Variants in PLK5 observed in about 807,000 individuals in gnomAD.
The protein encoded by PLK5 is polo like kinase 5 (inactive).
A neutral mutation model predicts 33.7 loss-of-function variants in PLK5; 28 were observed. The ratio of observed to expected loss-of-function variants is 0.83; its 90% CI spans 0.62 to 1.14. The LOEUF (loss-of-function observed/expected upper bound fraction) is 1.14, where lower values mean the gene tolerates loss of function less well. Ranked by LOEUF, PLK5 falls within the 50% of genes most tolerant of loss-of-function variation. The pLI, the probability that PLK5 is intolerant of heterozygous loss-of-function variation, is 0.00. For synonymous variants in PLK5, 225 were observed against 202.2 expected (o/e 1.11, Z -0.96); for missense variants, 492 against 461.5 (o/e 1.07, Z -0.61).
chr19:1,528,166 G>T, intron 7 of PLK5, 32 bp downstream of exon 7: 1 of 1,532,124 alleles, frequency 6.5e-7, no homozygotes, highest in Non-Finnish European at 8.7e-7. Flanking sequence ...GGGGTCCCTG[G>T]CGTGGGGTCC....
Position 1,529,470 on chromosome 19 carries a change from C to T in PLK5, c.470C>T (p.Thr157Ile). ...EGPIHLVAQG[T>I]LQSDLAGPEG... Reference sequence around the variant, plus strand: ...CCCATCCACCTGGTCGCACAAGGGACCCTGCAGAGTGACCTGGCCGGTGAG... The same window carrying T: ...CCCATCCACCTGGTCGCACAAGGGATCCTGCAGAGTGACCTGGCCGGTGAG... The change falls in exon 10 of 14, where the codon ACC becomes ATC. Residue 157 changes from threonine (T) to isoleucine (I), a missense_variant. By Grantham distance (89) the Thr-to-Ile change is moderately conservative. Transcript: ENST00000454744. The T allele has an allele frequency of 6.5e-7, 1 of 1,535,954 alleles. No individual in the cohort carries two copies. The highest frequency in any genetic ancestry group is 8.7e-7 in the Non-Finnish European group (1 of 1,146,808).
chr19:1,533,683 G>GTATCATTAAAAAA, intron 12 of PLK5: 1 of 579,680 alleles, frequency 1.7e-6, no homozygotes, highest in South Asian at 2.2e-5. Flanking sequence ...ACTGGCCTGG[G>GTATCATTAAAAAA]CTGTCCAGGA....
In PLK5 at chr19:1,527,974, C is replaced by T. The variant is rs1913789780; in HGVS notation, c.41C>T (p.Ser14Leu). ...VLTGTPPFMA[S>L]PLSEMYQNIR... ...ACTGGCACCCCACCCTTCATGGCCTCACCCCTGTCGGAGATGTACCAAAAC... is the reference window on the plus strand; with the variant it reads ...ACTGGCACCCCACCCTTCATGGCCTTACCCCTGTCGGAGATGTACCAAAAC... Residue 14 changes from serine (S) to leucine (L), a missense_variant, in exon 7 of 14, where the codon TCA becomes TTA. By Grantham distance (145) the Ser-to-Leu change is moderately radical. Coordinates refer to ENST00000454744, the MANE Select transcript of PLK5 (RefSeq NM_001243079.2). 5 of 1,536,084 alleles carry T rather than the reference C, an allele frequency of 3.3e-6. No individual in the cohort carries two copies. Among genetic ancestry groups the T allele is most frequent in the East Asian group, 2.4e-5 (1 of 40,916 alleles).
chr19:1,528,367 G>C lies in PLK5; in HGVS notation c.267G>C (p.Pro89=), dbSNP rs759896347. The part of the protein sequence containing the change: ...CHSPPIFAIP[P]PLGRIFRKVG... ...GTCCCCCCATCTTCGCCATACCCCC[G>C]CCTCTGGGCAGGATCTTCCGGAAGG... is the stretch of plus-strand genomic sequence containing the variant. Residue 89 remains proline, a synonymous_variant, in exon 8 of 14, where the codon CCG becomes CCC. Coordinates refer to ENST00000454744, the MANE Select transcript of PLK5 (RefSeq NM_001243079.2). 3.3e-6 allele frequency: 5 copies of C among 1,532,328 alleles called. No homozygotes were observed. In the East Asian group the frequency reaches 1.2e-4, roughly 38 times the overall value. The allele number at this position is 1,532,328 out of a possible 1,614,324, so 94.9% of individuals were successfully genotyped here.
At chr19:1,527,829 C>A in intron 6 of PLK5, 107 bp from the exon 7 acceptor site, 1 of 1,144,092 alleles carries the variant, frequency 8.7e-7, no homozygotes, top group South Asian at 1.5e-5. Flanking sequence ...ATGAGGAAGC[C>A]GATATGGGTT....
chr19:1,529,871 A>T, intron 11 of PLK5, 47 bp downstream of exon 11: 1 of 1,510,148 alleles, frequency 6.6e-7, no homozygotes. Context: ...CTTACTAGCC[A>T]AGTAAAATTG....
At chr19:1,532,811 C>T (rs998112970) in intron 12 of PLK5, among the ~76,000 whole-genome samples, 12 of 151,964 alleles carry the variant, frequency 7.9e-5, no homozygotes, top group African/African-American at 2.2e-4. Context: ...CATGAGCCAC[C>T]GCGCTCAGCC....
At chr19:1,529,899 G>A (rs946257371) in intron 11 of PLK5, 75 bp downstream of exon 11, 2 of 1,423,746 alleles carry the variant, frequency 1.4e-6, no homozygotes, top group African/African-American at 2.8e-5. Context: ...TCCCATCCTG[G>A]GCCCTCCTGG....
chr19:1,528,343 TC>T lies in PLK5; in HGVS notation c.249del (p.Ile84SerfsTer103). 1 of 1,534,436 alleles carries T rather than the reference TC, an allele frequency of 6.5e-7. No homozygotes were observed. Among genetic ancestry groups the T allele is most frequent in the Non-Finnish European group, 8.7e-7 (1 of 1,146,394 alleles). On this transcript the variant is annotated frameshift_variant, in exon 8 of 14. Coordinates refer to ENST00000454744, the MANE Select transcript of PLK5 (RefSeq NM_001243079.2). LOFTEE classifies it high-confidence loss of function. ...GGCTGCCGGCCCACTCCTGCCACAG[TC>T]CCCCCATCTTCGCCATACCCCCGCC... The part of the protein sequence containing the change: ...DRLPAHSCHS[P>X]PIFAIPPPLG...
chr19:1,529,049 C>G (rs1700463488), intron 9 of PLK5, 75 bp downstream of exon 9: 2 of 1,319,740 alleles, frequency 1.5e-6, no homozygotes, highest in Admixed American at 2.8e-5. Flanking sequence ...CCCCCTCCCC[C>G]ATGCCGGCTT....
At position 1,526,630 on chromosome 19, in the gene PLK5, G is replaced by A. The variant is rs1913749375; in HGVS notation, c.-183+15G>A. On this transcript the variant is annotated intron_variant, in intron 4 of 13. Coordinates refer to ENST00000454744, the MANE Select transcript of PLK5 (RefSeq NM_001243079.2). ...CCTGAAGCTCAGTGAGTGCCAGGAA[G>A]GGGAACTGTGGGCGGGGGCGTCGGG... The A allele has an allele frequency of 8.1e-6, 3 of 369,634 alleles. No homozygotes were observed. Among genetic ancestry groups the A allele is most frequent in the Non-Finnish European group, 1.5e-5 (3 of 194,130 alleles). The allele number at this position is 369,634 out of a possible 1,614,324, so 22.9% of individuals were successfully genotyped here.
rs1386378715 is a variant in PLK5, at chr19:1,524,189, C to T, written c.-601C>T. The stretch of plus-strand genomic sequence containing the variant: ...GCAGGAGTCGCCCCCTGGTCGCCGC[C>T]TTCCTGCGAGACCCGGGCTCGGGCC... On this transcript the variant is annotated 5_prime_UTR_variant, in exon 1 of 14. Coordinates refer to ENST00000454744, the MANE Select transcript of PLK5 (RefSeq NM_001243079.2). This position sits in a 1 kb window ranked among gnomAD's most constrained non-coding sequence, Gnocchi z 4.5. 1 of 150,668 alleles carries T rather than the reference C, an allele frequency of 6.6e-6. No individual in the cohort carries two copies. Among genetic ancestry groups the T allele is most frequent in the Non-Finnish European group, 1.5e-5 (1 of 67,434 alleles). 9.3% of individuals were successfully genotyped at this position (150,668 alleles called of 1,614,324 possible).
rs1167467760 is a variant in PLK5 at position 1,533,934 on chromosome 19, G to A, written c.718G>A (p.Gly240Arg). 1 of 1,533,562 alleles carries A rather than the reference G, an allele frequency of 6.5e-7. No homozygotes were observed. Among genetic ancestry groups the A allele is most frequent in the Admixed American group, 2.0e-5 (1 of 50,992 alleles). 95.0% of individuals were successfully genotyped at this position (1,533,562 alleles called of 1,614,324 possible). A position where few individuals can be genotyped will look rare whatever the true frequency, so the allele number is the denominator to read the frequency against. ...CCTCAGCCGAGTCTGTCCACAGGAG[G>A]GGACCCTCCCCACACCTGTGCCACC... is the stretch of plus-strand genomic sequence containing the variant. Reference protein sequence around the residue: ...PHGPATPRREGTLPTPVPPAG... With the variant: ...PHGPATPRRERTLPTPVPPAG... Residue 240 changes from glycine to arginine, a missense_variant, in exon 13 of 14, where the codon GGG becomes AGG. Gly to Arg is a moderately radical substitution (Grantham distance 125). Transcript: ENST00000454744.
In PLK5 at chr19:1,528,382, C is replaced by T; in HGVS notation, c.282C>T (p.Ile94=). 1.3e-6 allele frequency: 2 copies of T among 1,535,626 alleles called. No individual in the cohort carries two copies. The highest frequency in any genetic ancestry group is 1.7e-6 in the Non-Finnish European group (2 of 1,146,712). The part of the protein sequence containing the change: ...IFAIPPPLGR[I]FRKVGQRLLT... Reference sequence around the variant, plus strand: ...CCATACCCCCGCCTCTGGGCAGGATCTTCCGGAAGGTGGGCCAGCGGCTGC... The same window carrying T: ...CCATACCCCCGCCTCTGGGCAGGATTTTCCGGAAGGTGGGCCAGCGGCTGC... Residue 94 remains isoleucine (I), a synonymous_variant, in exon 8 of 14, where the codon ATC becomes ATT. Transcript: ENST00000454744.
chr19:1,530,604 ATTTTTTTTTTTTTTTT>A lies in PLK5; in HGVS notation c.568+798_568+813del, dbSNP rs759461067. ...GTCGTCAGCCACCACGCCTGGGCGC[ATTTTTTTTTTTTTTTT>A]TTTTTTTTTTTTTTTTTGAGACGGA... On this transcript the variant is annotated intron_variant, in intron 11 of 13. Coordinates refer to ENST00000454744, the MANE Select transcript of PLK5 (RefSeq NM_001243079.2). 7.4e-3 allele frequency among the ~76,000 whole-genome samples: 270 copies of A among 36,564 alleles called. 1 individual carries two copies. In the Middle Eastern group the frequency reaches 0.077, roughly 10 times the overall value. The allele number at this position is 36,564 out of a possible 152,430, so 24.0% of individuals were successfully genotyped here.
At chr19:1,533,679 C>G in intron 12 of PLK5, 2 of 578,592 alleles carry the variant, frequency 3.5e-6, no homozygotes, top group Non-Finnish European at 6.2e-6. Context: ...GTCCACTGGC[C>G]TGGGCTGTCC....
chr19:1,533,848 G>C, intron 12 of PLK5, 83 bp from the exon 13 acceptor site: 1 of 1,139,254 alleles, frequency 8.8e-7, no homozygotes, highest in South Asian at 1.4e-5. Context: ...GGCTGCGGGA[G>C]GTGAGAGCTG....
At chr19:1,533,108 C>G (rs899254533) in intron 12 of PLK5, among the ~76,000 whole-genome samples, 5 of 152,140 alleles carry the variant, frequency 3.3e-5, no homozygotes, top group African/African-American at 1.2e-4. Context: ...GCGCTCCAGC[C>G]TGGGTGACAG....
Position 1,535,283 on chromosome 19 carries a change from G to T in PLK5, c.*33G>T. The T allele has an allele frequency of 6.6e-7, 1 of 1,516,182 alleles. No individual in the cohort carries two copies. Among genetic ancestry groups the T allele is most frequent in the Non-Finnish European group, 8.8e-7 (1 of 1,136,322 alleles). 93.9% of individuals were successfully genotyped at this position (1,516,182 alleles called of 1,614,324 possible). On this transcript the variant is annotated 3_prime_UTR_variant, in exon 14 of 14. Transcript: ENST00000454744. Reference sequence around the variant, plus strand: ...GAGGGTCAGAGTGGACCCCTGCATGGTAGTGCCAGGGACCCAGGCTCCATT... The same window carrying T: ...GAGGGTCAGAGTGGACCCCTGCATGTTAGTGCCAGGGACCCAGGCTCCATT...
Sources: allele counts gnomAD v4.1 joint callset (sites outside exome capture counted in the v4.1 genomes callset), GRCh38; gene constraint gnomAD v4.1.1; non-coding constraint Gnocchi (gnomAD v3.1); transcripts MANE v1.5; gene names NCBI Gene and HGNC (gene_info 2026-07-23, HGNC 2026-07-21).